Variants in COL14A1 observed in about 807,000 individuals in gnomAD.
COL14A1 encodes collagen type XIV alpha 1 chain.
In COL14A1, 136 loss-of-function variants were observed where a neutral mutation model predicts 230.3. The observed-to-expected ratio is 0.59, with a 90% CI of 0.51 to 0.68. COL14A1 has a LOEUF of 0.68. Among genes scored for constraint, COL14A1 ranks in the 30% least tolerant of loss-of-function variants. COL14A1 has a pLI of 0.00. For missense variants in COL14A1, 1,976 were observed against 2,215.8 expected (o/e 0.89, Z 2.17); for synonymous variants, 792 against 784.1 (o/e 1.01, Z -0.17).
intron 19 of COL14A1, among the ~76,000 whole-genome samples, chr8:120,240,658 G>A (rs1271480464): frequency 6.6e-6 from 1 of 152,136 alleles, no homozygotes; most frequent in African/African-American, 2.4e-5. Flanking sequence ...ATAAGCTTGT[G>A]TACTGAAGTT....
intron 31 of COL14A1, 110 bp downstream of exon 31, chr8:120,281,169 G>T: frequency 2.0e-6 from 2 of 976,118 alleles, no homozygotes; most frequent in South Asian, 2.1e-5. Flanking sequence ...GATTTTCCAC[G>T]ACATTTAGAG....
Position 120,180,701 on chromosome 8 carries a change from C to CTTTTT in COL14A1, c.436+12474_436+12478dup, listed in dbSNP as rs34377563. ...ACCCCAATCTCATATGGTAGGAAGC[C>CTTTTT]TTTTTTTTTTTTTTTTTTTTTTTTG... On this transcript the variant is annotated intron_variant, in intron 5 of 47. Coordinates refer to ENST00000297848, the MANE Select transcript of COL14A1 (RefSeq NM_021110.4). Among the ~76,000 whole-genome samples the CTTTTT allele has an allele frequency of 1.4e-3, 113 of 83,572 alleles. 1 individual carries two copies. The highest frequency in any genetic ancestry group is 2.0e-3 in the East Asian group (5 of 2,490). 54.8% of individuals were successfully genotyped at this position (83,572 alleles called of 152,430 possible).
At chr8:120,223,152 A>G (rs1359092158) in intron 14 of COL14A1, among the ~76,000 whole-genome samples, 1 of 152,256 alleles carries the variant, frequency 6.6e-6, no homozygotes, top group African/African-American at 2.4e-5. Flanking sequence ...AGTATGGCAG[A>G]AAGAAAAGGT....
Position 120,338,085 on chromosome 8 carries a change from T to C in COL14A1, c.4786-3240T>C, listed in dbSNP as rs1586877750. The stretch of plus-strand genomic sequence containing the variant: ...TGCACTATAATTGTAGTCTCTAGAT[T>C]TGAGACATTTTCAAACAAGCCAGTT... On this transcript the variant is annotated intron_variant, in intron 42 of 47. Transcript: ENST00000297848. Among the ~76,000 whole-genome samples the C allele has an allele frequency of 2.0e-5, 3 of 152,178 alleles. No homozygotes were observed. In the East Asian group the frequency reaches 5.8e-4, roughly 29 times the overall value.
chr8:120,344,959 TGG>T (rs1462998389), intron 44 of COL14A1, among the ~76,000 whole-genome samples: 1 of 152,144 alleles, frequency 6.6e-6, no homozygotes, highest in African/African-American at 2.4e-5. Context: ...AGCACTTGTC[TGG>T]GGATTTGTGA....
At chr8:120,332,440 C>T (rs1262057770) in intron 41 of COL14A1, among the ~76,000 whole-genome samples, 1 of 152,130 alleles carries the variant, frequency 6.6e-6, no homozygotes, top group Non-Finnish European at 1.5e-5. Context: ...TATTAAATCA[C>T]AACTAAGGCT....
chr8:120,367,267 C>CAAGA lies in COL14A1; in HGVS notation c.5155+20_5155+23dup. ...CCAGCAGGTAAATCTTCCTTCCTAA[C>CAAGA]AAGAGACTGCAAATGTATATTTTTA... On this transcript the variant is annotated intron_variant, in intron 46 of 47. Transcript: ENST00000297848. 2 of 1,573,866 alleles carry CAAGA rather than the reference C, an allele frequency of 1.3e-6. No individual in the cohort carries two copies. Among genetic ancestry groups the CAAGA allele is most frequent in the East Asian group, 4.5e-5 (2 of 44,624 alleles).
At chr8:120,281,735 T>G (rs1372529766) in intron 31 of COL14A1, among the ~76,000 whole-genome samples, 5 of 152,144 alleles carry the variant, frequency 3.3e-5, no homozygotes, top group Non-Finnish European at 5.9e-5. Context: ...GCTAAATGAC[T>G]TGAGTGAGCT....
chr8:120,274,375 G>A (rs941656436), intron 26 of COL14A1, among the ~76,000 whole-genome samples: 1 of 151,748 alleles, frequency 6.6e-6, no homozygotes, highest in African/African-American at 2.4e-5. Context: ...AAATCATACT[G>A]AATGGAAAAA....
chr8:120,221,281 G>A (rs1392329308), intron 14 of COL14A1, among the ~76,000 whole-genome samples: 2 of 152,062 alleles, frequency 1.3e-5, no homozygotes, highest in African/African-American at 4.8e-5. Flanking sequence ...TAGACTGATT[G>A]AGGATAATTC....
At chr8:120,154,483 C>T (rs1222144752) in intron 2 of COL14A1, among the ~76,000 whole-genome samples, 4 of 152,166 alleles carry the variant, frequency 2.6e-5, no homozygotes, top group African/African-American at 9.7e-5. Context: ...CCTAACTCTG[C>T]AGTGGAGTGG....
intron 14 of COL14A1, among the ~76,000 whole-genome samples, chr8:120,223,353 A>G (rs984778943): frequency 3.9e-5 from 6 of 152,156 alleles, no homozygotes; most frequent in Non-Finnish European, 8.8e-5. Context: ...TAGCATCAAG[A>G]TTAGTCACTG....
At chr8:120,175,466 C>T (rs933990481) in intron 5 of COL14A1, among the ~76,000 whole-genome samples, 3 of 152,178 alleles carry the variant, frequency 2.0e-5, no homozygotes, top group Non-Finnish European at 2.9e-5. Context: ...TTTTAAAATA[C>T]TGTAGTCTCT....
chr8:120,241,846 A>T (rs1193052038), intron 19 of COL14A1, among the ~76,000 whole-genome samples: 5 of 152,310 alleles, frequency 3.3e-5, no homozygotes, highest in East Asian at 1.9e-4. Context: ...CATCTGTAAA[A>T]TGAATGTGAT....
chr8:120,242,398 T>C (rs997369120), intron 19 of COL14A1, among the ~76,000 whole-genome samples: 1 of 152,210 alleles, frequency 6.6e-6, no homozygotes, highest in African/African-American at 2.4e-5. Flanking sequence ...CTAAATTTAA[T>C]TGGTTAGTTC....
intron 5 of COL14A1, among the ~76,000 whole-genome samples, chr8:120,175,210 T>A (rs1476534217): frequency 2.0e-5 from 3 of 152,228 alleles, no homozygotes; most frequent in Non-Finnish European, 4.4e-5. Context: ...CAAAATGAAC[T>A]CACAAACAAA....
intron 47 of COL14A1, 195 bp from the exon 48 acceptor site, chr8:120,370,957 T>C: frequency 9.0e-7 from 1 of 1,106,258 alleles, no homozygotes. Flanking sequence ...ATTTCTGTAA[T>C]GTATCTTTCC....
chr8:120,172,182 T>C (rs1008912186), intron 5 of COL14A1, among the ~76,000 whole-genome samples: 1 of 152,112 alleles, frequency 6.6e-6, no homozygotes, highest in Non-Finnish European at 1.5e-5. Context: ...ATGGAGTCTC[T>C]CTCTGTTGCC....
At chr8:120,309,585 TAAAG>T (rs1380883784) in intron 36 of COL14A1, among the ~76,000 whole-genome samples, 6 of 152,162 alleles carry the variant, frequency 3.9e-5, no homozygotes, top group Admixed American at 6.5e-5. Context: ...GCTGTGTAAA[TAAAG>T]AAAATCAGGT....
Sources: gnomAD v4.1 joint callset for allele counts (sites outside exome capture counted in the v4.1 genomes callset) on GRCh38, gnomAD v4.1.1 for gene constraint, MANE v1.5 for transcripts, NCBI Gene and HGNC (gene_info 2026-07-23, HGNC 2026-07-21) for gene names.